KLK15: variants seen among roughly 807,000 people sequenced by gnomAD.
KLK15 encodes the protein kallikrein-15.
In KLK15, 19 loss-of-function variants were observed where a neutral mutation model predicts 21.1. That is an observed-to-expected ratio of 0.90 (90% CI 0.63 to 1.32). The LOEUF (loss-of-function observed/expected upper bound fraction) is 1.32, where lower values mean the gene tolerates loss of function less well. Among genes scored for constraint, KLK15 ranks in the 40% most tolerant of loss-of-function variants. The probability of loss-of-function intolerance (pLI) is 0.00; values close to 1 mark genes in which losing one functional copy is unlikely to be tolerated. For missense variants in KLK15, 345 were observed against 348.6 expected (o/e 0.99, Z 0.08); for synonymous variants, 141 against 141.5 (o/e 1.00, Z 0.03).
intron 2 of KLK15, 77 bp downstream of exon 3, chr19:50,827,585 C>T: frequency 2.0e-6 from 3 of 1,481,498 alleles, no homozygotes; most frequent in African/African-American, 1.4e-5. Flanking sequence ...TGGCGTCTGC[C>T]TCCGTCTTCC....
At chr19:50,826,468 C>A in intron 4 of KLK15, 153 bp downstream of exon 5, 1 of 886,868 alleles carries the variant, frequency 1.1e-6, no homozygotes, top group Non-Finnish European at 1.7e-6. Flanking sequence ...CAACTCCAAC[C>A]TCACCCCTAT....
chr19:50,826,819 A>G, intron 3 of KLK15, 59 bp downstream of exon 4: 1 of 1,569,564 alleles, frequency 6.4e-7, no homozygotes, highest in South Asian at 1.2e-5. Context: ...CCTCCGCCCA[A>G]GAGCCCTGGA....
intron 4 of KLK15, chr19:50,826,371 C>T: frequency 2.1e-6 from 1 of 487,220 alleles, no homozygotes; most frequent in Admixed American, 3.8e-5. Context: ...CAAACCAAAC[C>T]ATTCCCATTC....
At chr19:50,829,739 C>T (rs1302913926) in intron 1 of KLK15, among the ~76,000 whole-genome samples, 2 of 151,784 alleles carry the variant, frequency 1.3e-5, no homozygotes, top group Non-Finnish European at 2.9e-5. Flanking sequence ...ATTGCTTGAA[C>T]CTGGGAGGCG....
chr19:50,832,329 T>C (rs1001741766), upstream of KLK15, among the ~76,000 whole-genome samples: 12 of 147,490 alleles, frequency 8.1e-5, 1 homozygote, highest in Middle Eastern at 3.4e-3. Context: ...TTTCTTTTTT[T>C]TTTTTTTTTT....
At chr19:50,827,051 T>C (rs750269790) in exon 3 of KLK15, 29 of 1,606,396 alleles carry the variant, frequency 1.8e-5, no homozygotes, top group Non-Finnish European at 2.4e-5. Context: ...GTCGTTGCGG[T>C]GGCTGCGCGC....
At chr19:50,833,270 TGGCTCTGATACAA>T (rs1157237791), upstream of KLK15, 1 of 153,144 alleles carries the variant, frequency 6.5e-6, no homozygotes, top group East Asian at 1.9e-4. Flanking sequence ...ACCACGTTCT[TGGCTCTGATACAA>T]GTACTTCAGG....
chr19:50,828,968 TCAAAAAA>T (rs2089934443), intron 1 of KLK15, among the ~76,000 whole-genome samples: 1 of 38,898 alleles, frequency 2.6e-5, no homozygotes, highest in African/African-American at 1.5e-4. Context: ...AAACTCCATC[TCAAAAAA>T]AAAAAAAAAA....
At position 50,829,913 on chromosome 19, in the gene KLK15, G is replaced by A. The variant is rs1332351700; in HGVS notation, c.43+1537C>T. ...TAGAGCTGCAGACACCAACCCAGAAGGCCAACACTCAGATGTGGACTTGCT... is the reference window on the plus strand; with the variant it reads ...TAGAGCTGCAGACACCAACCCAGAAAGCCAACACTCAGATGTGGACTTGCT... On this transcript the variant is annotated intron_variant, in intron 1 of 4. Transcript: ENST00000598239. Among the ~76,000 whole-genome samples, 4 of 151,704 alleles carry A rather than the reference G, an allele frequency of 2.6e-5. 1 individual carries two copies. Among genetic ancestry groups the A allele is most frequent in the Non-Finnish European group, 5.9e-5 (4 of 67,800 alleles).
intron 1 of KLK15, among the ~76,000 whole-genome samples, chr19:50,829,133 G>A (rs2089939102): frequency 6.6e-6 from 1 of 151,502 alleles, no homozygotes; most frequent in African/African-American, 2.4e-5. Context: ...TCTCTAGTGT[G>A]AGTCTTGGCA....
exon 1 of KLK15, chr19:50,831,454 G>A: frequency 7.0e-7 from 1 of 1,436,908 alleles, no homozygotes; most frequent in Middle Eastern, 2.4e-4. Context: ...CCTCACCTGT[G>A]GATGCCAGCA....
rs1223359910 is a variant in KLK15, at chr19:50,826,776, T to G, written c.482-19A>C. ...AGACTCACTGGGGAAGACAGTGGAC[T>G]TGGAGCAGATCCATAAATTCCGGCC... On this transcript the variant is annotated intron_variant, in intron 3 of 4. Coordinates refer to ENST00000598239, the Ensembl canonical transcript of KLK15. The G allele has an allele frequency of 1.9e-6, 3 of 1,603,854 alleles. No individual in the cohort carries two copies. Among genetic ancestry groups the G allele is most frequent in the Non-Finnish European group, 2.6e-6 (3 of 1,175,304 alleles).
At chr19:50,832,269 G>A (rs1485296976), upstream of KLK15, among the ~76,000 whole-genome samples, 1 of 150,392 alleles carries the variant, frequency 6.6e-6, no homozygotes, top group African/African-American at 2.4e-5. Flanking sequence ...TGGATCCTTG[G>A]CACCACCAGG....
chr19:50,825,723 A>C (rs2089867883), downstream of KLK15: 1 of 1,492,402 alleles, frequency 6.7e-7, no homozygotes, highest in South Asian at 1.3e-5. Context: ...GTTCTGTTCC[A>C]TGTCAGGCGG....
rs942557640 is a variant in KLK15, at chr19:50,828,905, A to ATTGCAGTGAGCGGAGG, written c.44-1106_44-1091dup. ...AATCGCTTGAACCCGGGAGGCGGAG[A>ATTGCAGTGAGCGGAGG]TTGCAGTGAGCGGAGGTTGCTCCAT... On this transcript the variant is annotated intron_variant, in intron 1 of 4. Transcript: ENST00000598239. Among the ~76,000 whole-genome samples the ATTGCAGTGAGCGGAGG allele has an allele frequency of 3.0e-5, 4 of 134,658 alleles. No individual in the cohort carries two copies. In the Admixed American group the frequency reaches 3.3e-4, roughly 11 times the overall value. 88.3% of individuals were successfully genotyped at this position (134,658 alleles called of 152,430 possible). A position where few individuals can be genotyped will look rare whatever the true frequency, so the allele number is the denominator to read the frequency against.
chr19:50,827,838 C>T, intron 1 of KLK15, 23 bp from the exon 3 acceptor site: 1 of 1,608,722 alleles, frequency 6.2e-7, no homozygotes, highest in Non-Finnish European at 8.5e-7. Context: ...GTAGAGGATG[C>T]CTGAGGACAG....
chr19:50,828,347 C>T (rs1336583960), intron 1 of KLK15, among the ~76,000 whole-genome samples: 1 of 151,512 alleles, frequency 6.6e-6, no homozygotes, highest in Non-Finnish European at 1.5e-5. Context: ...GGGAACAGAC[C>T]AGAGGGCAAG....
At chr19:50,832,322 C>CTTTTTTTTTTT (rs773163899), upstream of KLK15, among the ~76,000 whole-genome samples, 26 of 109,424 alleles carry the variant, frequency 2.4e-4, 1 homozygote, top group African/African-American at 4.7e-4. Flanking sequence ...CTTTTTTTTT[C>CTTTTTTTTTTT]TTTTTTTTTT....
upstream of KLK15, chr19:50,833,231 G>T (rs933499231): frequency 1.3e-5 from 2 of 152,522 alleles, no homozygotes; most frequent in Non-Finnish European, 2.9e-5. Flanking sequence ...AGGTTGTGCT[G>T]AACTGACTTG....
Sources: allele counts gnomAD v4.1 joint callset (sites outside exome capture counted in the v4.1 genomes callset), GRCh38; gene constraint gnomAD v4.1.1; transcripts MANE v1.5; gene names NCBI Gene and HGNC (gene_info 2026-07-23, HGNC 2026-07-21).